Variants in SNTB2 observed in about 807,000 individuals in gnomAD.
The protein encoded by SNTB2 is syntrophin beta 2, also known as beta-2-syntrophin.
Under a neutral mutation model 46.2 loss-of-function variants are expected in SNTB2, and 34 were observed. The ratio of observed to expected loss-of-function variants is 0.74; its 90% confidence interval spans 0.56 to 0.98. SNTB2 has a LOEUF of 0.98. Among genes scored for constraint, SNTB2 ranks in the 50% least tolerant of loss-of-function variants. The pLI is 0.00. For synonymous variants in SNTB2, 290 were observed against 312.6 expected, an observed-to-expected ratio of 0.93 and a Z score of 0.76; for missense variants, 603 against 731.4, an observed-to-expected ratio of 0.82 and a Z score of 2.02.
At chr16:69,248,331 A>G (rs1288177629) in intron 2 of SNTB2, among the ~76,000 whole-genome samples, 2 of 152,178 alleles carry the variant, frequency 1.3e-5, no homozygotes, top group Admixed American at 1.3e-4. Flanking sequence ...TATTCTTTTC[A>G]TAAAGTAAGA....
At chr16:69,247,699 G>A (rs1373705083) in intron 2 of SNTB2, among the ~76,000 whole-genome samples, 1 of 152,156 alleles carries the variant, frequency 6.6e-6, no homozygotes, top group Non-Finnish European at 1.5e-5. Context: ...ACACCACCAT[G>A]TCATCATCTT....
chr16:69,187,778 C>T (rs1213996926), intron 1 of SNTB2, 32 bp downstream of exon 1: 1 of 1,324,276 alleles, frequency 7.6e-7, no homozygotes, highest in Admixed American at 3.6e-5. Flanking sequence ...GGTGGGCAGG[C>T]CGCGGCGGCC....
chr16:69,288,831 A>G (rs1046604475), intron 5 of SNTB2, among the ~76,000 whole-genome samples: 1 of 152,230 alleles, frequency 6.6e-6, no homozygotes, highest in Non-Finnish European at 1.5e-5. Flanking sequence ...AATATGGTAT[A>G]TATACACAAA....
chr16:69,259,899 C>T (rs1005997613), intron 2 of SNTB2, 151 bp from the exon 3 acceptor site: 12 of 685,316 alleles, frequency 1.8e-5, no homozygotes, highest in Middle Eastern at 4.2e-4. Flanking sequence ...CATGAGCCAC[C>T]GTGCCCAGCC....
intron 1 of SNTB2, among the ~76,000 whole-genome samples, chr16:69,237,603 CTTTTTT>C (rs397706857): frequency 2.5e-5 from 3 of 118,768 alleles, no homozygotes; most frequent in African/African-American, 1.0e-4. Context: ...TTCTTTCTTT[CTTTTTT>C]TTTTTTTTTT....
intron 4 of SNTB2, among the ~76,000 whole-genome samples, chr16:69,274,831 G>A (rs552961196): frequency 3.3e-5 from 5 of 152,008 alleles, no homozygotes; most frequent in African/African-American, 4.8e-5. Flanking sequence ...GCAGTTTTTT[G>A]ATCTGCCACC....
At chr16:69,197,779 A>AC (rs1964118697) in intron 1 of SNTB2, among the ~76,000 whole-genome samples, 2 of 152,196 alleles carry the variant, frequency 1.3e-5, no homozygotes, top group Admixed American at 1.3e-4. Context: ...TTGGCCAGTA[A>AC]AAGTATTTAC....
chr16:69,235,769 G>C (rs1964553822), intron 1 of SNTB2: 3 of 1,289,192 alleles, frequency 2.3e-6, no homozygotes, highest in Non-Finnish European at 3.0e-6. Flanking sequence ...GGAAATTTCT[G>C]TCTGACCAAT....
intron 1 of SNTB2, chr16:69,191,209 C>G (rs2152288245): frequency 6.9e-6 from 1 of 145,240 alleles, no homozygotes; most frequent in African/African-American, 2.6e-5. Context: ...CACTGCTTCA[C>G]TTGACTAGCT....
intron 4 of SNTB2, among the ~76,000 whole-genome samples, chr16:69,273,989 A>G (rs1341698043): frequency 6.6e-6 from 1 of 152,166 alleles, no homozygotes; most frequent in African/African-American, 2.4e-5. Flanking sequence ...ATTAAATGAA[A>G]ATTATGCCCA....
intron 1 of SNTB2, chr16:69,240,441 G>A (rs985974254): frequency 5.3e-5 from 8 of 152,300 alleles, no homozygotes; most frequent in Admixed American, 3.9e-4. Context: ...CCTTCCTCGT[G>A]TTTTTGGTGG....
chr16:69,296,015 C>T (rs893736375), intron 5 of SNTB2, among the ~76,000 whole-genome samples: 1 of 152,220 alleles, frequency 6.6e-6, no homozygotes, highest in African/African-American at 2.4e-5. Context: ...TGTAGTGGCT[C>T]ATGCCTGTAA....
At chr16:69,208,711 C>A (rs909098859) in intron 1 of SNTB2, among the ~76,000 whole-genome samples, 37 of 151,008 alleles carry the variant, frequency 2.5e-4, no homozygotes, top group Admixed American at 2.6e-4. Flanking sequence ...TAAAAAACAT[C>A]TAGGCTGGGC....
In SNTB2 at chr16:69,217,038, A is replaced by T. The variant is rs1057223389; in HGVS notation, c.581-28564A>T. ...ATTGATCCCTGATCATTTTTTTTTTAAAGTCTGGATATCTGACATAGAAAA... is the reference window on the plus strand; with the variant it reads ...ATTGATCCCTGATCATTTTTTTTTTTAAGTCTGGATATCTGACATAGAAAA... On this transcript the variant is annotated intron_variant, in intron 1 of 6. Transcript: ENST00000336278. Among the ~76,000 whole-genome samples the T allele has an allele frequency of 2.0e-4, 31 of 151,834 alleles. No homozygotes were observed. The South Asian group carries it at 2.1e-3, about 10-fold the overall frequency.
intron 1 of SNTB2, among the ~76,000 whole-genome samples, chr16:69,217,331 G>A (rs916068108): frequency 4.6e-5 from 7 of 152,020 alleles, no homozygotes; most frequent in African/African-American, 7.2e-5. Flanking sequence ...AAAATTAGCC[G>A]AACATTGTGG....
At chr16:69,296,171 T>G (rs145586230) in intron 5 of SNTB2, among the ~76,000 whole-genome samples, 120 of 151,902 alleles carry the variant, frequency 7.9e-4, no homozygotes, top group Middle Eastern at 6.8e-3. Flanking sequence ...TCCCAGCTAC[T>G]TGGGAGGCTG....
intron 1 of SNTB2, among the ~76,000 whole-genome samples, chr16:69,205,934 A>T (rs1013835764): frequency 1.3e-5 from 2 of 152,142 alleles, no homozygotes; most frequent in Non-Finnish European, 2.9e-5. Context: ...GAGGTCCTAT[A>T]CTCAGCTATG....
intron 1 of SNTB2, among the ~76,000 whole-genome samples, chr16:69,233,414 G>T (rs1270463241): frequency 6.6e-6 from 1 of 152,062 alleles, no homozygotes; most frequent in Non-Finnish European, 1.5e-5. Context: ...ATAATATCCT[G>T]CATTTGTTGA....
At chr16:69,191,979 T>G (rs1327919383) in intron 1 of SNTB2, among the ~76,000 whole-genome samples, 1 of 152,160 alleles carries the variant, frequency 6.6e-6, no homozygotes, top group East Asian at 1.9e-4. Flanking sequence ...GGGACAGATT[T>G]GTATAGCAAG....
Sources: allele counts gnomAD v4.1 joint callset (sites outside exome capture counted in the v4.1 genomes callset), GRCh38; gene constraint gnomAD v4.1.1; transcripts MANE v1.5; gene names NCBI Gene and HGNC (gene_info 2026-07-23, HGNC 2026-07-21).